TESPA1: variants seen among roughly 807,000 people sequenced by gnomAD.
The protein encoded by TESPA1 is protein TESPA1.
TESPA1 carries 33 observed loss-of-function variants against 57.9 expected under a neutral mutation model. That is an observed-to-expected ratio of 0.57 (90% CI 0.43 to 0.76). The LOEUF is 0.76. TESPA1 is among the 30% of genes least tolerant of loss of function. The probability of loss-of-function intolerance (pLI) is 0.00; values close to 1 mark genes in which losing one functional copy is unlikely to be tolerated. For synonymous variants in TESPA1, 227 were observed against 228.9 expected, an observed-to-expected ratio of 0.99 and a Z score of 0.07; for missense variants, 618 against 632.9, an observed-to-expected ratio of 0.98 and a Z score of 0.25.
Position 54,961,136 on chromosome 12 carries a change from G to A in TESPA1, c.*1+32C>T, listed in dbSNP as rs750067596. On this transcript the variant is annotated intron_variant, in intron 10 of 10. Coordinates refer to ENST00000449076, the MANE Select transcript of TESPA1 (RefSeq NM_001136030.3). Reference sequence around the variant, plus strand: ...TCATTTGATTACAATGTGCAGCCAGGTTTGAGAACTGCCTGAGAGAGGCCC... The same window carrying A: ...TCATTTGATTACAATGTGCAGCCAGATTTGAGAACTGCCTGAGAGAGGCCC... The A allele has an allele frequency of 4.5e-5, 73 of 1,611,632 alleles. No individual in the cohort carries two copies. The Admixed American group carries it at 1.2e-3, about 26-fold the overall frequency.
chr12:54,970,310 A>G (rs1016030970), intron 3 of TESPA1, among the ~76,000 whole-genome samples: 2 of 152,194 alleles, frequency 1.3e-5, no homozygotes, highest in Non-Finnish European at 2.9e-5. Flanking sequence ...ATTAAAAAGG[A>G]AAATGTTACT....
chr12:54,949,151 G>A lies in TESPA1; in HGVS notation c.*1241C>T, dbSNP rs11171185. ...CATGAAATAGGAGAAAGTTCATTTT[G>A]TTCTTTTGGTATGGGGAATTAGTAA... is the stretch of plus-strand genomic sequence containing the variant. On this transcript the variant is annotated 3_prime_UTR_variant, in exon 11 of 11. Coordinates refer to ENST00000449076, the MANE Select transcript of TESPA1 (RefSeq NM_001136030.3). The A allele has an allele frequency of 6.6e-6, 1 of 152,006 alleles. No homozygotes were observed. Among genetic ancestry groups the A allele is most frequent in the South Asian group, 2.1e-4 (1 of 4,824 alleles). The allele number at this position is 152,006 out of a possible 1,614,324, so 9.4% of individuals were successfully genotyped here. A position where few individuals can be genotyped will look rare whatever the true frequency, so the allele number is the denominator to read the frequency against.
chr12:54,959,619 G>A (rs1406704934), intron 10 of TESPA1, among the ~76,000 whole-genome samples: 1 of 152,122 alleles, frequency 6.6e-6, no homozygotes, highest in Non-Finnish European at 1.5e-5. Flanking sequence ...TGATTCCTGG[G>A]GGAGTTTATG....
chr12:54,966,669 T>A (rs1951454818), intron 5 of TESPA1, among the ~76,000 whole-genome samples: 1 of 151,926 alleles, frequency 6.6e-6, no homozygotes, highest in Non-Finnish European at 1.5e-5. Context: ...ATGACTGATG[T>A]TTAGGCAAGA....
rs143446177 is a variant in TESPA1, at chr12:54,965,558, A to G, written c.446+495T>C. ...TTTAATGGCTGCCTAGTATTCGTGT[A>G]TATGAACCACATTTTCTTTATCCAG... On this transcript the variant is annotated intron_variant, in intron 7 of 10. Transcript: ENST00000449076. Among the ~76,000 whole-genome samples, 752 of 152,304 alleles carry G rather than the reference A, an allele frequency of 4.9e-3. 8 individuals carry two copies. The highest frequency in any genetic ancestry group is 0.017 in the African/African-American group (720 of 41,566).
chr12:54,970,527 G>T (rs1158926766), intron 3 of TESPA1, among the ~76,000 whole-genome samples: 1 of 152,078 alleles, frequency 6.6e-6, no homozygotes, highest in South Asian at 2.1e-4. Flanking sequence ...GGGGCATTCT[G>T]TGGAACCTAC....
Position 54,949,689 on chromosome 12 carries a change from C to T in TESPA1, c.*703G>A, listed in dbSNP as rs1482113651. The T allele has an allele frequency of 6.6e-6, 1 of 152,502 alleles. No homozygotes were observed. Among genetic ancestry groups the T allele is most frequent in the Non-Finnish European group, 1.5e-5 (1 of 68,028 alleles). The allele number at this position is 152,502 out of a possible 1,614,324, so 9.4% of individuals were successfully genotyped here. A position where few individuals can be genotyped will look rare whatever the true frequency, so the allele number is the denominator to read the frequency against. On this transcript the variant is annotated 3_prime_UTR_variant, in exon 11 of 11. Transcript: ENST00000449076. ...ACAGAAATAGCATTTTTTCCCCCCACAATGGCTAGGAGAAGAGACTCTGAA... is the reference window on the plus strand; with the variant it reads ...ACAGAAATAGCATTTTTTCCCCCCATAATGGCTAGGAGAAGAGACTCTGAA...
At chr12:54,966,812 T>C (rs1182411771) in intron 5 of TESPA1, among the ~76,000 whole-genome samples, 2 of 152,298 alleles carry the variant, frequency 1.3e-5, no homozygotes, top group South Asian at 2.1e-4. Flanking sequence ...GATGTCCTTC[T>C]CCTCCTGCAG....
chr12:54,959,348 C>T (rs536928344), intron 10 of TESPA1, among the ~76,000 whole-genome samples: 1 of 152,132 alleles, frequency 6.6e-6, no homozygotes, highest in East Asian at 1.9e-4. Context: ...TAGTTTCTCC[C>T]GAGGGAAGAC....
At chr12:54,964,099 A>G (rs1459449482) in intron 7 of TESPA1, 149 bp from the exon 8 acceptor site, 5 of 784,378 alleles carry the variant, frequency 6.4e-6, no homozygotes, top group Non-Finnish European at 1.0e-5. Context: ...AAAAGCTTTC[A>G]CTTCTCTGAA....
Position 54,950,157 on chromosome 12 carries a change from G to T in TESPA1, c.*235C>A, listed in dbSNP as rs1950290647. 2 of 428,896 alleles carry T rather than the reference G, an allele frequency of 4.7e-6. No individual in the cohort carries two copies. Among genetic ancestry groups the T allele is most frequent in the South Asian group, 3.3e-5 (2 of 59,948 alleles). The allele number at this position is 428,896 out of a possible 1,614,324, so 26.6% of individuals were successfully genotyped here. A position where few individuals can be genotyped will look rare whatever the true frequency, so the allele number is the denominator to read the frequency against. On this transcript the variant is annotated 3_prime_UTR_variant, in exon 11 of 11. Coordinates refer to ENST00000449076, the MANE Select transcript of TESPA1 (RefSeq NM_001136030.3). ...AGAGAAATGAAGAGATGTGCCTAAG[G>T]TCTTTGTGCATGCAGCTTGTGGCAG...
chr12:54,982,694 T>C (rs1592435062), intron 1 of TESPA1, among the ~76,000 whole-genome samples: 1 of 152,358 alleles, frequency 6.6e-6, no homozygotes, highest in South Asian at 2.1e-4. Flanking sequence ...GATTTATAGA[T>C]GGCTTCATCA....
chr12:54,967,718 A>G (rs1951537015), intron 4 of TESPA1, 125 bp downstream of exon 4: 1 of 1,164,598 alleles, frequency 8.6e-7, no homozygotes, highest in African/African-American at 1.6e-5. Flanking sequence ...AGCCAGTTTA[A>G]GAACACTCAG....
At chr12:54,969,762 C>T (rs1272574226) in intron 3 of TESPA1, among the ~76,000 whole-genome samples, 1 of 152,070 alleles carries the variant, frequency 6.6e-6, no homozygotes, top group Non-Finnish European at 1.5e-5. Flanking sequence ...AAAATAATCC[C>T]AAACATATCT....
chr12:54,950,461 A>G, intron 10 of TESPA1, 71 bp from the exon 11 acceptor site: 2 of 388,302 alleles, frequency 5.2e-6, no homozygotes, highest in Non-Finnish European at 5.1e-6. Flanking sequence ...GTTGGTAGGA[A>G]CTTTCATACC....
At chr12:54,964,019 A>G (rs763567845) in intron 7 of TESPA1, 69 bp from the exon 8 acceptor site, 72 of 1,458,116 alleles carry the variant, frequency 4.9e-5, no homozygotes, top group Non-Finnish European at 6.8e-5. Context: ...ATATCAGAAT[A>G]TCTAATAAAA....
At chr12:54,951,063 A>G (rs1035995340) in intron 10 of TESPA1, among the ~76,000 whole-genome samples, 3 of 152,118 alleles carry the variant, frequency 2.0e-5, no homozygotes, top group Non-Finnish European at 2.9e-5. Flanking sequence ...ACTTCACACC[A>G]TTAACATCCC....
chr12:54,950,411 A>T, intron 10 of TESPA1, 21 bp from the exon 11 acceptor site: 1 of 445,326 alleles, frequency 2.2e-6, no homozygotes. Flanking sequence ...AATAAAAAAG[A>T]TACATATCAT....
chr12:54,961,735 G>A (rs1015388370), intron 9 of TESPA1, among the ~76,000 whole-genome samples: 10 of 152,172 alleles, frequency 6.6e-5, no homozygotes, highest in Non-Finnish European at 1.5e-4. Flanking sequence ...GCCCCAAGCC[G>A]GTTGCAGGAA....
Sources: gnomAD v4.1 joint callset for allele counts (sites outside exome capture counted in the v4.1 genomes callset) on GRCh38, gnomAD v4.1.1 for gene constraint, MANE v1.5 for transcripts, NCBI Gene and HGNC (gene_info 2026-07-23, HGNC 2026-07-21) for gene names.